CTNND2: variants seen among roughly 807,000 people sequenced by gnomAD.
The protein encoded by CTNND2 is catenin delta 2.
In CTNND2, 22 loss-of-function variants were observed where a neutral mutation model predicts 144.4. The observed-to-expected ratio is 0.15, with a 90% CI of 0.11 to 0.22. CTNND2 has a LOEUF of 0.22. Ranked by LOEUF, CTNND2 falls within the 10% of genes least tolerant of loss-of-function variation. CTNND2 has a pLI of 1.00. For synonymous variants in CTNND2, 751 were observed against 695.6 expected (o/e 1.08, Z -1.25); for missense variants, 1,353 against 1,618.8 (o/e 0.84, Z 2.82).
intron 9 of CTNND2, among the ~76,000 whole-genome samples, chr5:11,282,564 C>T (rs1747272599): frequency 6.6e-6 from 1 of 152,174 alleles, no homozygotes; most frequent in African/African-American, 2.4e-5. Flanking sequence ...CCAGGAGATC[C>T]TCCTCTGATG....
At chr5:11,370,480 T>C (rs1472869540) in intron 7 of CTNND2, among the ~76,000 whole-genome samples, 1 of 152,234 alleles carries the variant, frequency 6.6e-6, no homozygotes, top group Non-Finnish European at 1.5e-5. Context: ...GTGTTACACC[T>C]TCCATTTATC....
chr5:11,837,417 A>C (rs993000039), intron 1 of CTNND2, among the ~76,000 whole-genome samples: 1 of 152,212 alleles, frequency 6.6e-6, no homozygotes, highest in African/African-American at 2.4e-5. Context: ...GTAAATTGTA[A>C]ATATACAATG....
At chr5:11,359,176 T>C (rs1047101165) in intron 8 of CTNND2, among the ~76,000 whole-genome samples, 1 of 152,222 alleles carries the variant, frequency 6.6e-6, no homozygotes, top group African/African-American at 2.4e-5. Flanking sequence ...CTTGTTTCAC[T>C]GTACTCCTTA....
At chr5:11,164,796 T>A (rs1006082635) in intron 11 of CTNND2, among the ~76,000 whole-genome samples, 6 of 152,090 alleles carry the variant, frequency 3.9e-5, no homozygotes, top group African/African-American at 1.4e-4. Flanking sequence ...TGCTGTCAGA[T>A]CTCCTATTTA....
rs556766375 is a variant in CTNND2 at position 11,227,535 on chromosome 5, G to C, written c.1761+9156C>G. On this transcript the variant is annotated intron_variant, in intron 10 of 21. Transcript: ENST00000304623. ...GAGAAGAAATGATTCAAAGGTAGTTGACTGAAAAGATGAATAGCACATTCC... is the reference window on the plus strand; with the variant it reads ...GAGAAGAAATGATTCAAAGGTAGTTCACTGAAAAGATGAATAGCACATTCC... Among the ~76,000 whole-genome samples, 5 of 152,184 alleles carry C rather than the reference G, an allele frequency of 3.3e-5. No homozygotes were observed. The South Asian group carries it at 1.0e-3, about 31-fold the overall frequency.
intron 15 of CTNND2, among the ~76,000 whole-genome samples, chr5:11,086,097 C>G (rs770284152): frequency 6.6e-6 from 1 of 152,038 alleles, no homozygotes; most frequent in African/African-American, 2.4e-5. Flanking sequence ...GGAGGAGAAA[C>G]GAAGGACCCA....
intron 3 of CTNND2, among the ~76,000 whole-genome samples, chr5:11,420,953 G>C (rs2149853132): frequency 6.6e-6 from 1 of 152,156 alleles, no homozygotes; most frequent in Non-Finnish European, 1.5e-5. Flanking sequence ...GTTACCCAGT[G>C]TCATGCCTAC....
intron 9 of CTNND2, among the ~76,000 whole-genome samples, chr5:11,297,980 C>T (rs1343556430): frequency 3.3e-4 from 50 of 152,094 alleles, no homozygotes; most frequent in Admixed American, 3.1e-3. Flanking sequence ...CAGGGGTGAG[C>T]ACAGCCCTGA....
At position 11,567,015 on chromosome 5, in the gene CTNND2, G is replaced by A. The variant is rs553479971; in HGVS notation, c.175-1959C>T. On this transcript the variant is annotated intron_variant, in intron 2 of 21. Transcript: ENST00000304623. The stretch of plus-strand genomic sequence containing the variant: ...TTCCAGCTTGACAGGCCTTCAAAAG[G>A]TATATATGTGGTTCTCATTTTGGAA... 2.0e-5 allele frequency among the ~76,000 whole-genome samples: 3 copies of A among 152,192 alleles called. No homozygotes were observed. In the South Asian group the frequency reaches 6.2e-4, roughly 32 times the overall value.
At chr5:11,592,588 T>G (rs1779308838) in intron 2 of CTNND2, among the ~76,000 whole-genome samples, 1 of 151,982 alleles carries the variant, frequency 6.6e-6, no homozygotes, top group Non-Finnish European at 1.5e-5. Flanking sequence ...ATGTTTACTC[T>G]TGACAAAGTT....
At chr5:11,357,625 G>A (rs886508689) in intron 8 of CTNND2, among the ~76,000 whole-genome samples, 4 of 152,028 alleles carry the variant, frequency 2.6e-5, no homozygotes, top group African/African-American at 9.7e-5. Context: ...TGCATAGTAG[G>A]GTGACTATAG....
chr5:11,464,652 G>A (rs554575671), intron 3 of CTNND2, among the ~76,000 whole-genome samples: 2 of 152,308 alleles, frequency 1.3e-5, no homozygotes, highest in South Asian at 4.1e-4. Flanking sequence ...GAGAACTGAA[G>A]CCAGCAGGCT....
intron 2 of CTNND2, among the ~76,000 whole-genome samples, chr5:11,626,578 T>C (rs745387257): frequency 2.6e-4 from 39 of 152,162 alleles, no homozygotes; most frequent in Non-Finnish European, 4.3e-4. Flanking sequence ...CTGGAATGTG[T>C]TTTCAGTTTT....
intron 2 of CTNND2, among the ~76,000 whole-genome samples, chr5:11,683,116 C>T (rs1027694849): frequency 6.6e-6 from 1 of 152,174 alleles, no homozygotes; most frequent in African/African-American, 2.4e-5. Flanking sequence ...GCTAATTTAT[C>T]GTGCACTTCT....
chr5:11,817,410 GGAGAGAGAGAGA>G (rs1157713122), intron 1 of CTNND2, among the ~76,000 whole-genome samples: 6 of 22,352 alleles, frequency 2.7e-4, no homozygotes, highest in African/African-American at 1.2e-3. Flanking sequence ...GAGAGAGGAG[GGAGAGAGAGAGA>G]GAGAGAGAGA....
At chr5:11,852,875 G>A (rs920463743) in intron 1 of CTNND2, among the ~76,000 whole-genome samples, 1 of 152,176 alleles carries the variant, frequency 6.6e-6, no homozygotes, top group African/African-American at 2.4e-5. Context: ...TTGCCCTTAT[G>A]TGTGCACTTT....
rs146084670 is a variant in CTNND2, at chr5:11,666,625, A to T, written c.174+65511T>A. On this transcript the variant is annotated intron_variant, in intron 2 of 21. Coordinates refer to ENST00000304623, the MANE Select transcript of CTNND2 (RefSeq NM_001332.4). ...TGGAATTGTTCTCTTTATGCCACTG[A>T]GTCTTAGAGTTGGAGCTTGTGCTTG... 2.0e-5 allele frequency among the ~76,000 whole-genome samples: 3 copies of T among 152,258 alleles called. No individual in the cohort carries two copies. The East Asian group carries it at 5.8e-4, about 29-fold the overall frequency.
intron 8 of CTNND2, among the ~76,000 whole-genome samples, chr5:11,363,998 T>C (rs1325096831): frequency 6.6e-6 from 1 of 152,238 alleles, no homozygotes; most frequent in Non-Finnish European, 1.5e-5. Flanking sequence ...TATATCGATT[T>C]TGGAGTTAAG....
chr5:11,657,508 CT>C (rs1372586180), intron 2 of CTNND2, among the ~76,000 whole-genome samples: 1 of 151,698 alleles, frequency 6.6e-6, no homozygotes, highest in Non-Finnish European at 1.5e-5. Flanking sequence ...TCTTTTCTTC[CT>C]TTCTTAGTAC....
Sources: allele counts gnomAD v4.1 joint callset (sites outside exome capture counted in the v4.1 genomes callset), GRCh38; gene constraint gnomAD v4.1.1; transcripts MANE v1.5; gene names NCBI Gene and HGNC (gene_info 2026-07-23, HGNC 2026-07-21).